Variants in KDM5A observed in about 807,000 individuals in gnomAD.
The protein encoded by KDM5A is lysine-specific demethylase 5A.
In KDM5A, 42 loss-of-function variants were observed where a neutral mutation model predicts 193.5. The observed-to-expected ratio is 0.22, with a 90% CI of 0.17 to 0.28. The LOEUF is 0.28. Among genes scored for constraint, KDM5A ranks in the 10% least tolerant of loss-of-function variants. KDM5A has a pLI of 1.00. For missense variants in KDM5A, 1,692 were observed against 2,055.1 expected, an observed-to-expected ratio of 0.82 and a Z score of 3.42; for synonymous variants, 796 against 718.1, an observed-to-expected ratio of 1.11 and a Z score of -1.73.
intron 10 of KDM5A, among the ~76,000 whole-genome samples, chr12:339,301 T>G (rs1024197992): frequency 6.6e-6 from 1 of 152,218 alleles, no homozygotes; most frequent in East Asian, 1.9e-4. Context: ...ATCTGCTATT[T>G]TACCAGAGTA....
In KDM5A at chr12:281,330, C is replaced by A. The variant is rs1943152119; in HGVS notation, c.*4126G>T. On this transcript the variant is annotated 3_prime_UTR_variant, in exon 28 of 28. Coordinates refer to ENST00000399788, the MANE Select transcript of KDM5A (RefSeq NM_001042603.3). Reference sequence around the variant, plus strand: ...CCTGTTTAGACCACTTGGAGTACTGCAAAAGAAAAAACAAACAAGATACAG... The same window carrying A: ...CCTGTTTAGACCACTTGGAGTACTGAAAAAGAAAAAACAAACAAGATACAG... 2 of 232,968 alleles carry A rather than the reference C, an allele frequency of 8.6e-6. No individual in the cohort carries two copies. 14.4% of individuals were successfully genotyped at this position (232,968 alleles called of 1,614,324 possible).
At chr12:339,675 G>A (rs575854974) in intron 10 of KDM5A, among the ~76,000 whole-genome samples, 116 of 152,186 alleles carry the variant, frequency 7.6e-4, no homozygotes, top group Non-Finnish European at 1.4e-3. Context: ...AGTCACAGTT[G>A]GAAGACAAAT....
intron 9 of KDM5A, 147 bp from the exon 10 acceptor site, chr12:350,926 C>A: frequency 2.7e-6 from 2 of 730,390 alleles, no homozygotes; most frequent in Non-Finnish European, 4.6e-6. Context: ...GAGATCCTAG[C>A]TTTTTCCAAT....
At chr12:341,022 T>A (rs1453156417) in intron 10 of KDM5A, among the ~76,000 whole-genome samples, 1 of 152,234 alleles carries the variant, frequency 6.6e-6, no homozygotes, top group Admixed American at 6.5e-5. Flanking sequence ...GGAGGCAGGA[T>A]TACTATTTAC....
intron 24 of KDM5A, among the ~76,000 whole-genome samples, chr12:298,628 A>T (rs1300216467): frequency 6.6e-6 from 1 of 152,208 alleles, no homozygotes; most frequent in Non-Finnish European, 1.5e-5. Context: ...TCCAAAAACC[A>T]GAATGCCTCT....
intron 7 of KDM5A, 97 bp from the exon 8 acceptor site, chr12:354,331 G>A (rs1944203515): frequency 2.5e-6 from 2 of 807,050 alleles, no homozygotes; most frequent in Non-Finnish European, 4.0e-6. Flanking sequence ...TAATGCAACT[G>A]AAAAGTAAAC....
At chr12:340,438 G>A (rs1231444068) in intron 10 of KDM5A, among the ~76,000 whole-genome samples, 2 of 152,094 alleles carry the variant, frequency 1.3e-5, no homozygotes, top group African/African-American at 4.8e-5. Flanking sequence ...GCTCACGCCT[G>A]TAATCCCAGC....
chr12:302,217 C>T (rs1280494298), intron 24 of KDM5A, among the ~76,000 whole-genome samples: 7 of 152,162 alleles, frequency 4.6e-5, no homozygotes, highest in African/African-American at 1.7e-4. Context: ...ATTGCCAAGG[C>T]AATCCTAAAG....
chr12:292,062 C>T (rs973533276), intron 27 of KDM5A, among the ~76,000 whole-genome samples: 3 of 152,042 alleles, frequency 2.0e-5, no homozygotes, highest in African/African-American at 7.2e-5. Context: ...GCCACCACAC[C>T]CTGCTCATTT....
chr12:298,023 G>GA (rs1287795970), intron 24 of KDM5A, among the ~76,000 whole-genome samples: 21 of 152,238 alleles, frequency 1.4e-4, no homozygotes, highest in Admixed American at 5.9e-4. Flanking sequence ...GGGCATCTCT[G>GA]AAAAAAAGGC....
At chr12:304,765 T>C (rs1378665259) in intron 24 of KDM5A, among the ~76,000 whole-genome samples, 1 of 152,154 alleles carries the variant, frequency 6.6e-6, no homozygotes, top group African/African-American at 2.4e-5. Flanking sequence ...TCATCAATAC[T>C]TGTGATGTTT....
intron 3 of KDM5A, among the ~76,000 whole-genome samples, chr12:369,814 A>G (rs1944403650): frequency 6.6e-6 from 1 of 151,946 alleles, no homozygotes; most frequent in African/African-American, 2.4e-5. Context: ...TACAATAATC[A>G]CTCTGACATA....
intron 1 of KDM5A, among the ~76,000 whole-genome samples, chr12:387,938 T>C (rs1027743572): frequency 6.6e-6 from 1 of 152,070 alleles, no homozygotes; most frequent in Non-Finnish European, 1.5e-5. Context: ...AGACAAAACA[T>C]AAAGCAAAAT....
Position 352,333 on chromosome 12 carries a change from A to G in KDM5A, c.1030-9T>C, listed in dbSNP as rs762123526. On this transcript the variant is annotated splice_polypyrimidine_tract_variant and intron_variant, in intron 8 of 27. Transcript: ENST00000399788. ...CGAGGTTTGCTACATTCCTGGAAAG[A>G]AAAAATATGTAAGATTAACTTACTG... 1 of 1,612,136 alleles carries G rather than the reference A, an allele frequency of 6.2e-7. No homozygotes were observed. Among genetic ancestry groups the G allele is most frequent in the East Asian group, 2.2e-5 (1 of 44,856 alleles).
chr12:384,216 G>C, intron 2 of KDM5A, 63 bp from the exon 3 acceptor site: 3 of 1,311,114 alleles, frequency 2.3e-6, no homozygotes, highest in Non-Finnish European at 3.3e-6. Context: ...TAACAGAGCA[G>C]GGGTCCCCAA....
At chr12:302,548 G>C (rs1943456344) in intron 24 of KDM5A, among the ~76,000 whole-genome samples, 1 of 152,160 alleles carries the variant, frequency 6.6e-6, no homozygotes, top group Non-Finnish European at 1.5e-5. Context: ...TTAAAGGTAA[G>C]ACCTAAAACC....
At chr12:331,971 T>C (rs745452402) in intron 12 of KDM5A, 33 bp from the exon 13 acceptor site, 7 of 1,599,990 alleles carry the variant, frequency 4.4e-6, no homozygotes, top group Non-Finnish European at 6.0e-6. Flanking sequence ...GATACAAAAA[T>C]AAAAAATAAA....
chr12:363,782 T>C (rs1944319964), intron 4 of KDM5A, among the ~76,000 whole-genome samples: 1 of 151,866 alleles, frequency 6.6e-6, no homozygotes, highest in Non-Finnish European at 1.5e-5. Flanking sequence ...AAAAAAATGG[T>C]TCTTCAAAAA....
At chr12:371,689 G>A (rs2137479247) in intron 3 of KDM5A, among the ~76,000 whole-genome samples, 1 of 152,300 alleles carries the variant, frequency 6.6e-6, no homozygotes, top group South Asian at 2.1e-4. Context: ...CCATGCCTAT[G>A]TCCTGAATGG....
Sources: gnomAD v4.1 joint callset for allele counts (sites outside exome capture counted in the v4.1 genomes callset) on GRCh38, gnomAD v4.1.1 for gene constraint, MANE v1.5 for transcripts, NCBI Gene and HGNC (gene_info 2026-07-23, HGNC 2026-07-21) for gene names.